The following SRM variants were observed in gnomAD, a reference collection of about 807,000 sequenced individuals.
SRM encodes spermidine synthase.
In SRM, 14 loss-of-function variants were observed where a neutral mutation model predicts 39.3. That is an observed-to-expected ratio of 0.36 (90% CI 0.24 to 0.56). SRM has a LOEUF of 0.56. Among genes scored for constraint, SRM ranks in the 20% least tolerant of loss-of-function variants. The probability of loss-of-function intolerance (pLI) is 0.86; values close to 1 mark genes in which losing one functional copy is unlikely to be tolerated. For missense variants in SRM, 244 were observed against 409.2 expected (o/e 0.60, Z 3.48); for synonymous variants, 195 against 173.1 (o/e 1.13, Z -0.99).
chr1:11,056,680 C>T lies in SRM; in HGVS notation c.459G>A (p.Val153=). The T allele has an allele frequency of 6.2e-7, 1 of 1,614,158 alleles. No individual in the cohort carries two copies. The highest frequency in any genetic ancestry group is 8.5e-7 in the Non-Finnish European group (1 of 1,180,018). ...GTTTCATGAACTCAAAACCGTCACC[C>T]ACATGTAGGGTCAGCTTCGAGCTAG... ...GYSSSKLTLH[V]GDGFEFMKQN... is the part of the protein sequence containing the mutation. Residue 153 remains valine (V), a synonymous_variant, in exon 4 of 8, where the codon GTG becomes GTA. Coordinates refer to ENST00000376957, the MANE Select transcript of SRM (RefSeq NM_003132.3).
chr1:11,058,070 C>T (rs1413257877), intron 3 of SRM, among the ~76,000 whole-genome samples: 1 of 152,156 alleles, frequency 6.6e-6, no homozygotes, highest in African/African-American at 2.4e-5. Flanking sequence ...TGAGCCACCA[C>T]GTCTGGCCAT....
rs769048430 is a variant in SRM at position 11,059,813 on chromosome 1, C to T, written c.131G>A (p.Arg44Gln). Residue 44 changes from arginine (R) to glutamine (Q), a missense_variant, in exon 1 of 8, where the codon CGG becomes CAG. Arg to Gln is a conservative substitution (Grantham distance 43). Coordinates refer to ENST00000376957, the MANE Select transcript of SRM (RefSeq NM_003132.3). ...SLQVEQLLHH[R>Q]RSRYQDILVF... ...GAGGATGTCCTGGTAGCGCGAGCGC[C>T]GGTGGTGGAGCAGCTGCTCCACCTG... The T allele has an allele frequency of 4.5e-6, 7 of 1,559,922 alleles. No homozygotes were observed. The highest frequency in any genetic ancestry group is 2.2e-5 in the South Asian group (2 of 89,662).
chr1:11,055,725 T>A, intron 6 of SRM, 56 bp downstream of exon 6: 1 of 1,521,502 alleles, frequency 6.6e-7, no homozygotes, highest in Non-Finnish European at 8.9e-7. Context: ...GGGGCAGGGA[T>A]CTCTATTTAT....
intron 2 of SRM, 147 bp downstream of exon 2, chr1:11,059,078 G>A (rs743577): frequency 0.7 from 1,012,283 of 1,441,890 alleles, 368,009 homozygotes; most frequent in East Asian, 0.77. Context: ...CCGAGGCCGC[G>A]TCAGTGTCGG....
chr1:11,058,068 C>G (rs1638910950), intron 3 of SRM, among the ~76,000 whole-genome samples: 2 of 152,148 alleles, frequency 1.3e-5, no homozygotes. Context: ...TGTGAGCCAC[C>G]ACGTCTGGCC....
intron 6 of SRM, 29 bp downstream of exon 6, chr1:11,055,752 A>ACCCCCCC: frequency 3.1e-5 from 45 of 1,465,888 alleles, no homozygotes; most frequent in Non-Finnish European, 3.8e-5. Context: ...CTTCCCCCCA[A>ACCCCCCC]CCCCCACCCC....
intron 4 of SRM, 35 bp downstream of exon 4, chr1:11,056,569 C>G: frequency 6.2e-7 from 1 of 1,611,702 alleles, no homozygotes; most frequent in Non-Finnish European, 8.5e-7. Flanking sequence ...AGACCTGCAG[C>G]TGCCAGAAAA....
At position 11,059,953 on chromosome 1, in the gene SRM, G is replaced by A. The variant is rs1310924224; in HGVS notation, c.-10C>T. 11 of 1,018,076 alleles carry A rather than the reference G, an allele frequency of 1.1e-5. No individual in the cohort carries two copies. Among genetic ancestry groups the A allele is most frequent in the Non-Finnish European group, 1.3e-5 (11 of 852,120 alleles). 63.1% of individuals were successfully genotyped at this position (1,018,076 alleles called of 1,614,324 possible). On this transcript the variant is annotated 5_prime_UTR_variant, in exon 1 of 8. Coordinates refer to ENST00000376957, the MANE Select transcript of SRM (RefSeq NM_003132.3). Reference sequence around the variant, plus strand: ...CGGGGCCGGGCTCCATGGCGGGCGGGCGGGCGGCGCGGGGCGCGGGCCCGG... The same window carrying A: ...CGGGGCCGGGCTCCATGGCGGGCGGACGGGCGGCGCGGGGCGCGGGCCCGG...
intron 1 of SRM, 51 bp downstream of exon 1, chr1:11,059,726 G>A: frequency 3.3e-6 from 5 of 1,534,436 alleles, no homozygotes; most frequent in Non-Finnish European, 4.3e-6. Context: ...GCGGGCAGCA[G>A]GCGGCCCGGG....
intron 3 of SRM, chr1:11,058,581 AAAT>A: frequency 9.6e-6 from 4 of 415,388 alleles, no homozygotes; most frequent in South Asian, 6.0e-5. Flanking sequence ...AAAAAAAAAA[AAAT>A]CAGCTCAGTT....
intron 2 of SRM, among the ~76,000 whole-genome samples, 154 bp downstream of exon 2, chr1:11,059,071 A>G (rs1638930377): frequency 6.6e-6 from 1 of 152,132 alleles, no homozygotes; most frequent in Non-Finnish European, 1.5e-5. Context: ...TAGGATTCCG[A>G]GGCCGCGTCA....
In SRM at chr1:11,059,365, C is replaced by A; in HGVS notation, c.168-20G>T. ...GTCTTACTGCGGGCGGAGTGACAGTCGGGGACCTGGGTTCTCTGGGGTGGG... is the reference window on the plus strand; with the variant it reads ...GTCTTACTGCGGGCGGAGTGACAGTAGGGGACCTGGGTTCTCTGGGGTGGG... On this transcript the variant is annotated intron_variant, in intron 1 of 7. Transcript: ENST00000376957. 2 of 1,611,760 alleles carry A rather than the reference C, an allele frequency of 1.2e-6. No individual in the cohort carries two copies. Among genetic ancestry groups the A allele is most frequent in the South Asian group, 1.1e-5 (1 of 91,042 alleles).
chr1:11,056,671 A>C lies in SRM; in HGVS notation c.468T>G (p.Gly156=). The change falls in exon 4 of 8, where the codon GGT becomes GGG. Residue 156 remains glycine (G), a synonymous_variant. Transcript: ENST00000376957. ...CCTGATTCTGTTTCATGAACTCAAA[A>C]CCGTCACCCACATGTAGGGTCAGCT... is the stretch of plus-strand genomic sequence containing the variant. The part of the protein sequence containing the change: ...SSKLTLHVGD[G]FEFMKQNQDA... 1 of 1,614,086 alleles carries C rather than the reference A, an allele frequency of 6.2e-7. No homozygotes were observed. The highest frequency in any genetic ancestry group is 1.1e-5 in the South Asian group (1 of 91,072).
At chr1:11,058,114 A>G (rs893014158) in intron 3 of SRM, among the ~76,000 whole-genome samples, 1 of 152,150 alleles carries the variant, frequency 6.6e-6, no homozygotes, top group African/African-American at 2.4e-5. Context: ...ATCAGCTCCT[A>G]GAGGGCAGGG....
At chr1:11,059,730 G>A (rs1638945550) in intron 1 of SRM, 47 bp downstream of exon 1, 2 of 1,542,158 alleles carry the variant, frequency 1.3e-6, no homozygotes, top group East Asian at 2.4e-5. Flanking sequence ...GCAGCAGGCG[G>A]CCCGGGCTGA....
rs566251859 is a variant in SRM, at chr1:11,059,665, G to A, written c.167+112C>T. 9.2e-4 allele frequency: 1,178 copies of A among 1,281,360 alleles called. 1 individual carries two copies. The highest frequency in any genetic ancestry group is 1.2e-3 in the Admixed American group (44 of 36,938). The allele number at this position is 1,281,360 out of a possible 1,614,324, so 79.4% of individuals were successfully genotyped here. On this transcript the variant is annotated intron_variant, in intron 1 of 7. Transcript: ENST00000376957. ...GTGTGAGGGGTGGCGAGGGGGCCAG[G>A]GCAGGACGAGGTCCAGCCCGCTTGG...
rs772531172 is a variant in SRM, at chr1:11,059,353, C to T, written c.168-8G>A. On this transcript the variant is annotated splice_polypyrimidine_tract_variant and splice_region_variant and intron_variant, in intron 1 of 7. Coordinates refer to ENST00000376957, the MANE Select transcript of SRM (RefSeq NM_003132.3). Reference sequence around the variant, plus strand: ...ACGTTGCCATAGGTCTTACTGCGGGCGGAGTGACAGTCGGGGACCTGGGTT... The same window carrying T: ...ACGTTGCCATAGGTCTTACTGCGGGTGGAGTGACAGTCGGGGACCTGGGTT... 5.0e-6 allele frequency: 8 copies of T among 1,612,424 alleles called. No homozygotes were observed. Among genetic ancestry groups the T allele is most frequent in the South Asian group, 1.1e-5 (1 of 91,054 alleles).
chr1:11,056,886 A>G, intron 3 of SRM, 129 bp from the exon 4 acceptor site: 1 of 891,804 alleles, frequency 1.1e-6, no homozygotes, highest in Non-Finnish European at 1.7e-6. Context: ...TTTTTTTATT[A>G]TTTTTTTTTG....
At position 11,059,717 on chromosome 1, in the gene SRM, C is replaced by T. The variant is rs570213978; in HGVS notation, c.167+60G>A. 144 of 1,512,998 alleles carry T rather than the reference C, an allele frequency of 9.5e-5. 1 individual carries two copies. The African/African-American group carries it at 1.8e-3, about 19-fold the overall frequency. The allele number at this position is 1,512,998 out of a possible 1,614,324, so 93.7% of individuals were successfully genotyped here. A position where few individuals can be genotyped will look rare whatever the true frequency, so the allele number is the denominator to read the frequency against. ...TCCCGGCGTGGAGAGGCCCGTGAGGCGGGCAGCAGGCGGCCCGGGCTGAGC... is the reference window on the plus strand; with the variant it reads ...TCCCGGCGTGGAGAGGCCCGTGAGGTGGGCAGCAGGCGGCCCGGGCTGAGC... On this transcript the variant is annotated intron_variant, in intron 1 of 7. Transcript: ENST00000376957.
Sources: gnomAD v4.1 joint callset for allele counts (sites outside exome capture counted in the v4.1 genomes callset) on GRCh38, gnomAD v4.1.1 for gene constraint, MANE v1.5 for transcripts, NCBI Gene and HGNC (gene_info 2026-07-23, HGNC 2026-07-21) for gene names.